The following BICD1 variants were observed in gnomAD, a reference collection of about 807,000 sequenced individuals.
The protein encoded by BICD1 is protein bicaudal D homolog 1.
In BICD1, 35 loss-of-function variants were observed where a neutral mutation model predicts 92.5. That is an observed-to-expected ratio of 0.38 (90% confidence interval 0.29 to 0.50). BICD1 has a LOEUF of 0.50. Ranked by LOEUF, BICD1 falls within the 20% of genes least tolerant of loss-of-function variation. The pLI, the probability that BICD1 is intolerant of heterozygous loss-of-function variation, is 0.93. For synonymous variants in BICD1, 429 were observed against 465.1 expected (o/e 0.92, Z 1.00); for missense variants, 950 against 1,189.8 (o/e 0.80, Z 2.97).
intron 1 of BICD1, among the ~76,000 whole-genome samples, chr12:32,125,889 A>C (rs528546374): frequency 2.6e-5 from 4 of 151,882 alleles, no homozygotes; most frequent in African/African-American, 7.2e-5. Context: ...AAAAAAAAAA[A>C]AATGCCAAAA....
intron 4 of BICD1, among the ~76,000 whole-genome samples, chr12:32,325,146 T>C (rs1487863843): frequency 2.1e-5 from 1 of 48,240 alleles, no homozygotes; most frequent in Non-Finnish European, 5.0e-5. Flanking sequence ...GCTCCATTTA[T>C]GTTTTTTTTT....
At chr12:32,225,431 T>TA (rs1237004217) in intron 2 of BICD1, among the ~76,000 whole-genome samples, 8 of 152,228 alleles carry the variant, frequency 5.3e-5, no homozygotes, top group African/African-American at 1.9e-4. Flanking sequence ...CATGTACACT[T>TA]ACGTTTTCGT....
At chr12:32,270,874 C>T (rs575564990) in intron 2 of BICD1, among the ~76,000 whole-genome samples, 3 of 152,090 alleles carry the variant, frequency 2.0e-5, no homozygotes, top group South Asian at 2.1e-4. Context: ...GACCTTGCTC[C>T]GTATAAAGGC....
intron 4 of BICD1, among the ~76,000 whole-genome samples, chr12:32,324,270 G>C (rs865862844): frequency 6.0e-5 from 9 of 150,476 alleles, no homozygotes; most frequent in Middle Eastern, 3.5e-3. Flanking sequence ...CAGAAGAATC[G>C]CTTGAACCCG....
intron 1 of BICD1, among the ~76,000 whole-genome samples, chr12:32,206,610 A>G (rs1945064550): frequency 6.6e-6 from 1 of 152,236 alleles, no homozygotes; most frequent in African/African-American, 2.4e-5. Context: ...CTTCTCAAAA[A>G]AAAGAAAGAA....
At chr12:32,185,268 C>T (rs1176855445) in intron 1 of BICD1, among the ~76,000 whole-genome samples, 1 of 152,148 alleles carries the variant, frequency 6.6e-6, no homozygotes, top group Non-Finnish European at 1.5e-5. Flanking sequence ...AAATCATAAG[C>T]AATTTATACT....
chr12:32,268,986 A>G (rs75461411), intron 2 of BICD1, among the ~76,000 whole-genome samples: 8,749 of 152,234 alleles, frequency 0.057, 298 homozygotes, highest in South Asian at 0.11. Flanking sequence ...AGTGTGAATC[A>G]GAGGAGTTTA....
chr12:32,162,313 A>G (rs528403652), intron 1 of BICD1, among the ~76,000 whole-genome samples: 8 of 152,372 alleles, frequency 5.3e-5, no homozygotes, highest in African/African-American at 1.9e-4. Flanking sequence ...TACTGTATCT[A>G]TTCTACTTCC....
At chr12:32,199,458 G>T (rs1378212714) in intron 1 of BICD1, among the ~76,000 whole-genome samples, 2 of 152,198 alleles carry the variant, frequency 1.3e-5, no homozygotes, top group South Asian at 2.1e-4. Flanking sequence ...GCTATTTCTC[G>T]TGGCCCAATA....
intron 2 of BICD1, among the ~76,000 whole-genome samples, chr12:32,256,149 C>G (rs1199915491): frequency 6.6e-6 from 1 of 152,012 alleles, no homozygotes; most frequent in Non-Finnish European, 1.5e-5. Flanking sequence ...ACCCCCTGGG[C>G]TCAAGCAATC....
chr12:32,289,393 G>A (rs892507136), intron 2 of BICD1, among the ~76,000 whole-genome samples: 3 of 152,116 alleles, frequency 2.0e-5, no homozygotes, highest in African/African-American at 7.2e-5. Flanking sequence ...GTTTGTTTGT[G>A]TGTTTGTTTG....
intron 1 of BICD1, among the ~76,000 whole-genome samples, chr12:32,150,705 A>T (rs7957620): frequency 0.036 from 5,410 of 152,194 alleles, 327 homozygotes; most frequent in African/African-American, 0.12. Context: ...AAAGTTATGC[A>T]GTGCAGACCT....
intron 1 of BICD1, among the ~76,000 whole-genome samples, chr12:32,159,430 T>C (rs1943536201): frequency 6.6e-6 from 1 of 152,076 alleles, no homozygotes; most frequent in Admixed American, 6.5e-5. Context: ...CTGGGGCTAT[T>C]TAAGGAAGAC....
intron 1 of BICD1, among the ~76,000 whole-genome samples, chr12:32,123,830 T>C (rs775202173): frequency 4.0e-5 from 6 of 151,830 alleles, no homozygotes; most frequent in Non-Finnish European, 8.8e-5. Flanking sequence ...TGAGCCGAGA[T>C]TGCGCCACTG....
chr12:32,147,619 T>A (rs1592374759), intron 1 of BICD1, among the ~76,000 whole-genome samples: 1 of 152,226 alleles, frequency 6.6e-6, no homozygotes, highest in Non-Finnish European at 1.5e-5. Flanking sequence ...TTGATAATTT[T>A]AAAAAATCTT....
chr12:32,174,645 A>ATT (rs2121517912), intron 1 of BICD1, among the ~76,000 whole-genome samples: 2 of 152,102 alleles, frequency 1.3e-5, no homozygotes, highest in South Asian at 2.1e-4. Flanking sequence ...CTTTTCCCAG[A>ATT]TTTTCTGTTC....
chr12:32,255,695 G>A (rs1048927438), intron 2 of BICD1, among the ~76,000 whole-genome samples: 2 of 152,080 alleles, frequency 1.3e-5, no homozygotes, highest in African/African-American at 4.8e-5. Context: ...CCTTTGCTCT[G>A]GCTGTTCATT....
At chr12:32,300,631 AT>A (rs34219566) in intron 3 of BICD1, among the ~76,000 whole-genome samples, 2,803 of 79,846 alleles carry the variant, frequency 0.035, 19 homozygotes, top group East Asian at 0.11. Flanking sequence ...ACTTTACAGT[AT>A]TTTTTTTTTT....
intron 4 of BICD1, among the ~76,000 whole-genome samples, chr12:32,323,569 A>G (rs1313612277): frequency 6.6e-6 from 1 of 152,168 alleles, no homozygotes; most frequent in Non-Finnish European, 1.5e-5. Context: ...CAGTACTATC[A>G]TTTGGGAATA....
Sources: gnomAD v4.1 joint callset for allele counts (sites outside exome capture counted in the v4.1 genomes callset) on GRCh38, gnomAD v4.1.1 for gene constraint, MANE v1.5 for transcripts, NCBI Gene and HGNC (gene_info 2026-07-23, HGNC 2026-07-21) for gene names.